Variants in ABCF2 observed in about 807,000 individuals in gnomAD.
ABCF2 encodes the protein ATP-binding cassette sub-family F member 2.
A neutral mutation model predicts 76.9 loss-of-function variants in ABCF2; 37 were observed. The observed-to-expected ratio is 0.48, with a 90% confidence interval of 0.37 to 0.63. The LOEUF is 0.63. Among genes scored for constraint, ABCF2 ranks in the 30% least tolerant of loss-of-function variants. ABCF2 has a pLI of 0.00. For synonymous variants in ABCF2, 299 were observed against 283.7 expected (o/e 1.05, Z -0.54); for missense variants, 524 against 782.1 (o/e 0.67, Z 3.94).
At chr7:151,221,533 A>G in intron 7 of ABCF2, 45 bp downstream of exon 7, 1 of 1,189,170 alleles carries the variant, frequency 8.4e-7, no homozygotes, top group Non-Finnish European at 1.2e-6. Flanking sequence ...ATTTCAGAGA[A>G]TTGGTATGCA....
Position 151,226,346 on chromosome 7 carries a change from T to G in ABCF2, c.113A>C (p.Gln38Pro). ...ATTGGCCTCATTCTTCTCTGCCACC[T>G]GTGGTTCTGTGACAACATCTCCATT... The part of the protein sequence containing the change: ...EENGDVVTEP[Q>P]VAEKNEANGR... Residue 38 changes from glutamine to proline, a missense_variant, in exon 2 of 15, where the codon CAG becomes CCG. Coordinates refer to ENST00000287844, the MANE Select transcript of ABCF2 (RefSeq NM_007189.3). 1.2e-6 allele frequency: 2 copies of G among 1,614,148 alleles called. No individual in the cohort carries two copies. Among genetic ancestry groups the G allele is most frequent in the Non-Finnish European group, 1.7e-6 (2 of 1,180,016 alleles).
chr7:151,211,568 C>CTAGA lies in ABCF2; in HGVS notation c.*2482_*2485dup, dbSNP rs1281631723. On this transcript the variant is annotated 3_prime_UTR_variant, in exon 15 of 15. Coordinates refer to ENST00000287844, the MANE Select transcript of ABCF2 (RefSeq NM_007189.3). ...ACATTTTTCTTGACAAATAAGCTGA[C>CTAGA]TAGACTATTTCCATTCCTCCAGGTT... 4.1e-6 allele frequency: 4 copies of CTAGA among 985,216 alleles called. No individual in the cohort carries two copies. The highest frequency in any genetic ancestry group is 4.8e-6 in the Non-Finnish European group (4 of 829,836). The allele number at this position is 985,216 out of a possible 1,614,324, so 61.0% of individuals were successfully genotyped here.
At chr7:151,220,742 C>T (rs935183899) in intron 7 of ABCF2, among the ~76,000 whole-genome samples, 5 of 152,178 alleles carry the variant, frequency 3.3e-5, no homozygotes, top group African/African-American at 1.2e-4. Context: ...TATCCCAGCA[C>T]TTTGGGAGGC....
chr7:151,221,715 A>C, intron 6 of ABCF2, 35 bp from the exon 7 acceptor site: 11 of 1,466,788 alleles, frequency 7.5e-6, no homozygotes, highest in Non-Finnish European at 1.1e-5. Flanking sequence ...TGAAGAGCTC[A>C]ACCATGGGAG....
At chr7:151,218,051 G>A (rs1362270844) in intron 11 of ABCF2, 30 bp downstream of exon 11, 1 of 1,517,426 alleles carries the variant, frequency 6.6e-7, no homozygotes, top group Non-Finnish European at 9.1e-7. Context: ...CCTAATCTTA[G>A]AGGGATCCAC....
In ABCF2 at chr7:151,224,857, G is replaced by T; in HGVS notation, c.286C>A (p.His96Asn). The T allele has an allele frequency of 6.2e-7, 1 of 1,614,214 alleles. No homozygotes were observed. Among genetic ancestry groups the T allele is most frequent in the Non-Finnish European group, 8.5e-7 (1 of 1,180,042 alleles). Residue 96 changes from histidine to asparagine, a missense_variant, in exon 3 of 15, where the codon CAT becomes AAT. Around this residue, in one of 2 missense-constraint regions of ABCF2, gnomAD observed 330 missense variants for 433.6 expected, o/e 0.76. Transcript: ENST00000287844. ...VHIINLSLTF[H>N]GQELLSDTKL... ...GTGTCACTGAGCAGCTCTTGACCAT[G>T]AAAGGTAAGTGAGAGGTTGATGATG...
chr7:151,222,481 T>G, intron 6 of ABCF2, 40 bp downstream of exon 6: 1 of 1,540,704 alleles, frequency 6.5e-7, no homozygotes, highest in Non-Finnish European at 9.0e-7. Context: ...ATTCCCCCTT[T>G]GGGACCTGCC....
Position 151,214,984 on chromosome 7 carries a change from G to A in ABCF2, c.1629C>T (p.Pro543=), listed in dbSNP as rs200849520. The stretch of plus-strand genomic sequence containing the variant: ...TGGTCTCGATATCCAGGTGATTGGT[G>A]GGTTCATCCAGGAAGAGCATGTGGG... ...QNPHMLFLDE[P]TNHLDIETID... Residue 543 remains proline, a synonymous_variant, in exon 14 of 15, where the codon CCC becomes CCT. Coordinates refer to ENST00000287844, the MANE Select transcript of ABCF2 (RefSeq NM_007189.3). The surrounding 1 kb of genome is among the most constrained non-coding windows in gnomAD (Gnocchi z 4.9). The A allele has an allele frequency of 6.2e-7, 1 of 1,614,196 alleles. No homozygotes were observed. The highest frequency in any genetic ancestry group is 8.5e-7 in the Non-Finnish European group (1 of 1,180,032).
chr7:151,217,236 G>A (rs1338555353), intron 11 of ABCF2, among the ~76,000 whole-genome samples: 2 of 152,104 alleles, frequency 1.3e-5, no homozygotes, highest in African/African-American at 4.8e-5. Context: ...TTCCATTATA[G>A]GATGCACTCA....
chr7:151,225,297 G>T (rs1802350526), intron 2 of ABCF2, among the ~76,000 whole-genome samples: 1 of 151,998 alleles, frequency 6.6e-6, no homozygotes, highest in African/African-American at 2.4e-5. Flanking sequence ...TTTTCTGAAC[G>T]CCTATCTGTT....
intron 11 of ABCF2, 37 bp downstream of exon 11, chr7:151,218,044 A>G (rs1802187208): frequency 6.8e-7 from 1 of 1,474,394 alleles, no homozygotes; most frequent in Non-Finnish European, 9.5e-7. Flanking sequence ...CGCAAGGCCT[A>G]ATCTTAGAGG....
rs564571650 is a variant in ABCF2, at chr7:151,213,421, C to T, written c.*633G>A. On this transcript the variant is annotated 3_prime_UTR_variant, in exon 15 of 15. Coordinates refer to ENST00000287844, the MANE Select transcript of ABCF2 (RefSeq NM_007189.3). The stretch of plus-strand genomic sequence containing the variant: ...TCTTCAGTTCCCATCGACACACTGA[C>T]GCTGGATCCAGCTCCTGCTGTGGGC... 163 of 985,440 alleles carry T rather than the reference C, an allele frequency of 1.7e-4. 1 individual carries two copies. The highest frequency in any genetic ancestry group is 6.8e-4 in the Admixed American group (11 of 16,286). The allele number at this position is 985,440 out of a possible 1,614,324, so 61.0% of individuals were successfully genotyped here.
At position 151,211,632 on chromosome 7, in the gene ABCF2, C is replaced by T. The variant is rs572088754; in HGVS notation, c.*2422G>A. ...GTCCTAGTATGGAGACTCTGGAGATCCCGAGACTACCTGAATTCTTAGCAA... is the reference window on the plus strand; with the variant it reads ...GTCCTAGTATGGAGACTCTGGAGATTCCGAGACTACCTGAATTCTTAGCAA... On this transcript the variant is annotated 3_prime_UTR_variant, in exon 15 of 15. Transcript: ENST00000287844. 12 of 985,360 alleles carry T rather than the reference C, an allele frequency of 1.2e-5. No individual in the cohort carries two copies. In the South Asian group the frequency reaches 4.2e-4, roughly 35 times the overall value. 61.0% of individuals were successfully genotyped at this position (985,360 alleles called of 1,614,324 possible).
rs1358130365 is a variant in ABCF2, at chr7:151,212,194, G to A, written c.*1860C>T. ...ATGAGTACTGAAAAATCATGGCTGT[G>A]TCTTCCCATAGGGATGGCTGATTTC... On this transcript the variant is annotated 3_prime_UTR_variant, in exon 15 of 15. Transcript: ENST00000287844. 1 of 985,300 alleles carries A rather than the reference G, an allele frequency of 1.0e-6. No homozygotes were observed. The highest frequency in any genetic ancestry group is 1.2e-6 in the Non-Finnish European group (1 of 829,932). 61.0% of individuals were successfully genotyped at this position (985,300 alleles called of 1,614,324 possible).
Position 151,215,194 on chromosome 7 carries a change from A to G in ABCF2, c.1531-112T>C. 9.2e-7 allele frequency: 1 copy of G among 1,089,052 alleles called. No homozygotes were observed. Among genetic ancestry groups the G allele is most frequent in the Admixed American group, 2.1e-5 (1 of 48,434 alleles). The allele number at this position is 1,089,052 out of a possible 1,614,324, so 67.5% of individuals were successfully genotyped here. ...TCCATTAGCATCGCCATTTATAAAA[A>G]GTGAGGCTCAGAGAGACCCACTAGT... On this transcript the variant is annotated intron_variant, in intron 13 of 14. Coordinates refer to ENST00000287844, the MANE Select transcript of ABCF2 (RefSeq NM_007189.3). The surrounding 1 kb of genome is among the most constrained non-coding windows in gnomAD (Gnocchi z 4.6).
At chr7:151,220,193 C>T (rs918731166) in intron 7 of ABCF2, among the ~76,000 whole-genome samples, 13 of 95,902 alleles carry the variant, frequency 1.4e-4, no homozygotes, top group Admixed American at 8.3e-4. Flanking sequence ...AGAGGGAGAC[C>T]ATCCTGGCCA....
At position 151,211,647 on chromosome 7, in the gene ABCF2, A is replaced by G. The variant is rs868363782; in HGVS notation, c.*2407T>C. 1.2e-5 allele frequency: 12 copies of G among 985,262 alleles called. No individual in the cohort carries two copies. The highest frequency in any genetic ancestry group is 1.2e-5 in the Non-Finnish European group (10 of 829,928). 61.0% of individuals were successfully genotyped at this position (985,262 alleles called of 1,614,324 possible). On this transcript the variant is annotated 3_prime_UTR_variant, in exon 15 of 15. Transcript: ENST00000287844. ...CTCTGGAGATCCCGAGACTACCTGA[A>G]TTCTTAGCAATATCCAGCACTTCCT... is the stretch of plus-strand genomic sequence containing the variant.
chr7:151,223,535 A>G (rs1802314150), intron 5 of ABCF2, 143 bp downstream of exon 5: 1 of 987,562 alleles, frequency 1.0e-6, no homozygotes, highest in Non-Finnish European at 1.4e-6. Context: ...GCCCATACAC[A>G]ACAACCCCCT....
intron 11 of ABCF2, among the ~76,000 whole-genome samples, chr7:151,217,370 G>A (rs1384740835): frequency 6.6e-6 from 1 of 152,208 alleles, no homozygotes; most frequent in Non-Finnish European, 1.5e-5. Flanking sequence ...AAGGGAAAGT[G>A]CAAACTCCAC....
Sources: gnomAD v4.1 joint callset for allele counts (sites outside exome capture counted in the v4.1 genomes callset) on GRCh38, gnomAD v4.1.1 for gene constraint, gnomAD v4.1.1 regional missense constraint, Gnocchi (gnomAD v3.1) non-coding constraint, MANE v1.5 for transcripts, NCBI Gene and HGNC (gene_info 2026-07-23, HGNC 2026-07-21) for gene names.